The following REEP5 variants were observed in gnomAD, a reference collection of about 807,000 sequenced individuals.
REEP5 encodes receptor accessory protein 5.
Under a neutral mutation model 22.4 loss-of-function variants are expected in REEP5, and 24 were observed. The observed-to-expected ratio is 1.07, with a 90% CI of 0.78 to 1.51. The LOEUF is 1.51. REEP5 is among the 40% of genes most tolerant of loss of function. The pLI is 0.00. For synonymous variants in REEP5, 103 were observed against 88.6 expected (o/e 1.16, Z -0.92); for missense variants, 252 against 233.0 (o/e 1.08, Z -0.53).
chr5:112,901,841 T>C (rs1241469504), intron 3 of REEP5, among the ~76,000 whole-genome samples: 1 of 151,878 alleles, frequency 6.6e-6, no homozygotes, highest in Non-Finnish European at 1.5e-5. Flanking sequence ...TGGGCGCCTG[T>C]AATCCCTGCT....
chr5:112,891,473 A>T, intron 3 of REEP5: 1 of 896,882 alleles, frequency 1.1e-6, no homozygotes, highest in South Asian at 1.7e-5. Flanking sequence ...TATAAAGGAG[A>T]AACAAAATGA....
chr5:112,912,494 A>T (rs936345599), intron 2 of REEP5, among the ~76,000 whole-genome samples: 1 of 152,212 alleles, frequency 6.6e-6, no homozygotes, highest in African/African-American at 2.4e-5. Context: ...ATATATGGAT[A>T]AAAAGCTTTA....
At chr5:112,908,110 T>TG (rs1477550418) in intron 2 of REEP5, among the ~76,000 whole-genome samples, 1 of 149,262 alleles carries the variant, frequency 6.7e-6, no homozygotes, top group Non-Finnish European at 1.5e-5. Flanking sequence ...TGTTTTTTTT[T>TG]TTTTTTTTTG....
chr5:112,898,745 C>G (rs1054746938), intron 3 of REEP5, among the ~76,000 whole-genome samples: 5 of 152,186 alleles, frequency 3.3e-5, no homozygotes, highest in Admixed American at 2.6e-4. Context: ...TTAAAATTAT[C>G]TGAAGTTTAA....
chr5:112,918,517 A>G (rs1309483559), intron 2 of REEP5, among the ~76,000 whole-genome samples: 2 of 152,208 alleles, frequency 1.3e-5, no homozygotes, highest in Non-Finnish European at 2.9e-5. Context: ...AAGGAGAGGA[A>G]ACAGCAAGAG....
chr5:112,913,194 C>G (rs1002844277), intron 2 of REEP5, among the ~76,000 whole-genome samples: 1 of 151,992 alleles, frequency 6.6e-6, no homozygotes, highest in Admixed American at 6.6e-5. Context: ...ACTTGGGAGG[C>G]TGAGGCAGGA....
At chr5:112,885,525 T>C (rs745381042) in intron 4 of REEP5, 13 of 226,822 alleles carry the variant, frequency 5.7e-5, no homozygotes, top group Non-Finnish European at 1.1e-4. Flanking sequence ...AAGTTAGTTG[T>C]GGTGGGGTTG....
chr5:112,920,284 TTA>T (rs1377541997), intron 2 of REEP5, among the ~76,000 whole-genome samples: 1 of 152,236 alleles, frequency 6.6e-6, no homozygotes, highest in Non-Finnish European at 1.5e-5. Context: ...TAATAATGTG[TTA>T]TCTGTGTCTT....
chr5:112,891,327 C>T (rs556074003), intron 3 of REEP5, among the ~76,000 whole-genome samples: 1 of 152,250 alleles, frequency 6.6e-6, no homozygotes, highest in South Asian at 2.1e-4. Flanking sequence ...CCCATTTCGG[C>T]CTCCTAAAGT....
chr5:112,881,412 C>G (rs1369603920), intron 4 of REEP5, among the ~76,000 whole-genome samples: 1 of 152,140 alleles, frequency 6.6e-6, no homozygotes, highest in Non-Finnish European at 1.5e-5. Context: ...AACCTTTCTC[C>G]AATTTCTAAA....
chr5:112,913,291 CAAGAAAGAAAGACAGA>C (rs775066009), intron 2 of REEP5, among the ~76,000 whole-genome samples: 8 of 132,048 alleles, frequency 6.1e-5, no homozygotes, highest in South Asian at 2.4e-4. Context: ...GAAACTCCAT[CAAGAAAGAAAGACAGA>C]AAGAAAGAAA....
In REEP5 at chr5:112,908,101, GTTTTTTT is replaced by G. The variant is rs1047059353; in HGVS notation, c.213-5590_213-5584del. Among the ~76,000 whole-genome samples, 286 of 83,930 alleles carry G rather than the reference GTTTTTTT, an allele frequency of 3.4e-3. 3 individuals carry two copies. The highest frequency in any genetic ancestry group is 0.01 in the African/African-American group (267 of 26,432). The allele number at this position is 83,930 out of a possible 152,430, so 55.1% of individuals were successfully genotyped here. On this transcript the variant is annotated intron_variant, in intron 2 of 4. Coordinates refer to ENST00000379638, the MANE Select transcript of REEP5 (RefSeq NM_005669.5). ...GCATCAGAGACTTTCTTTGTTTTTT[GTTTTTTT>G]TTTTTTTTTTTGATGGAGTCTTGCT...
chr5:112,887,032 T>G lies in REEP5; in HGVS notation c.503A>C (p.Asp168Ala). 1 of 1,609,044 alleles carries G rather than the reference T, an allele frequency of 6.2e-7. No individual in the cohort carries two copies. Among genetic ancestry groups the G allele is most frequent in the Non-Finnish European group, 8.5e-7 (1 of 1,176,246 alleles). ...DLKDKAKETA[D>A]AITKEAKKAT... The stretch of plus-strand genomic sequence containing the variant: ...AGTCTTACCTTCTTTAGTGATGGCA[T>G]CTGCAGTCTCTTTGGCCTTGTCTTT... Residue 168 changes from aspartate to alanine, a missense_variant, in exon 4 of 5, where the codon GAT becomes GCT. Asp to Ala is a moderately radical substitution (Grantham distance 126, BLOSUM62 -2). Transcript: ENST00000379638.
At chr5:112,891,628 G>A (rs775653012) in intron 3 of REEP5, 18 of 1,592,186 alleles carry the variant, frequency 1.1e-5, no homozygotes, top group Middle Eastern at 1.6e-4. Flanking sequence ...GGGGTCAGGC[G>A]GTGCTGGCAA....
chr5:112,911,129 C>G (rs758589198), intron 2 of REEP5, among the ~76,000 whole-genome samples: 5 of 152,208 alleles, frequency 3.3e-5, no homozygotes, highest in Non-Finnish European at 2.9e-5. Context: ...GCTTCCTGCT[C>G]TTGAAAGCCT....
chr5:112,904,445 C>T (rs888162539), intron 2 of REEP5, among the ~76,000 whole-genome samples: 4 of 152,096 alleles, frequency 2.6e-5, no homozygotes, highest in African/African-American at 9.7e-5. Flanking sequence ...AGAGGAGATA[C>T]GTAATTACAT....
At position 112,892,571 on chromosome 5, in the gene REEP5, G is replaced by A. The variant is rs191887893; in HGVS notation, c.352-5388C>T. The A allele has an allele frequency of 2.0e-4, 329 of 1,614,120 alleles. 3 individuals are homozygous for A. In the African/African-American group the frequency reaches 3.8e-3, roughly 19 times the overall value. ...CAATGTGAATTCTGCCCAGTGACCC[G>A]GTGGAAAATGGCGATTTGTGGTTTA... is the stretch of plus-strand genomic sequence containing the variant. On this transcript the variant is annotated intron_variant, in intron 3 of 4. Transcript: ENST00000379638.
chr5:112,902,296 A>G, intron 3 of REEP5, 84 bp downstream of exon 3: 5 of 1,337,224 alleles, frequency 3.7e-6, no homozygotes, highest in Non-Finnish European at 5.1e-6. Flanking sequence ...ACAGAGCCAC[A>G]GATGCACAAC....
At chr5:112,920,217 T>G (rs534939552) in intron 2 of REEP5, among the ~76,000 whole-genome samples, 1 of 152,322 alleles carries the variant, frequency 6.6e-6, no homozygotes, top group African/African-American at 2.4e-5. Context: ...TAAAACATGT[T>G]TCTTCCCTTA....
Sources: gnomAD v4.1 joint callset for allele counts (sites outside exome capture counted in the v4.1 genomes callset) on GRCh38, gnomAD v4.1.1 for gene constraint, MANE v1.5 for transcripts, NCBI Gene and HGNC (gene_info 2026-07-23, HGNC 2026-07-21) for gene names.